Variants in LCT observed in about 807,000 individuals in gnomAD.
LCT encodes the protein lactase/phlorizin hydrolase.
LCT carries 90 observed loss-of-function variants against 173.0 expected under a neutral mutation model. The observed-to-expected ratio is 0.52, with a 90% confidence interval of 0.44 to 0.62. LCT has a LOEUF of 0.62. Among genes scored for constraint, LCT ranks in the 20% least tolerant of loss-of-function variants. The probability of loss-of-function intolerance (pLI) is 0.00; values close to 1 mark genes in which losing one functional copy is unlikely to be tolerated. For synonymous variants in LCT, 853 were observed against 957.6 expected, an observed-to-expected ratio of 0.89 and a Z score of 2.02; for missense variants, 1,864 against 2,431.4, an observed-to-expected ratio of 0.77 and a Z score of 4.91.
chr2:135,803,713 A>C (rs994627199), intron 11 of LCT, among the ~76,000 whole-genome samples: 16 of 152,258 alleles, frequency 1.1e-4, no homozygotes, highest in Admixed American at 1.0e-3. Flanking sequence ...TCAGAGTCAC[A>C]GAGCAAAGAA....
In LCT at chr2:135,809,122, G is replaced by T. The variant is rs2077709444; in HGVS notation, c.3225C>A (p.Gly1075=). The T allele has an allele frequency of 6.8e-6, 11 of 1,614,150 alleles. No homozygotes were observed. The highest frequency in any genetic ancestry group is 9.3e-6 in the Non-Finnish European group (11 of 1,180,034). ...EPMYLAWLGY[G]SGEFPPGVKD... is the part of the protein sequence containing the mutation. ...TCACCCCTGGGGGAAATTCCCCTGA[G>T]CCATAACCTAGCCATGCCAGGTACA... The change falls in exon 8 of 17, where the codon GGC becomes GGA. Residue 1075 remains glycine (G), a synonymous_variant. Coordinates refer to ENST00000264162, the MANE Select transcript of LCT (RefSeq NM_002299.4). The surrounding 1 kb of genome is among the most constrained non-coding windows in gnomAD (Gnocchi z 5.5).
chr2:135,835,997 T>C lies in LCT; in HGVS notation c.640+533A>G, dbSNP rs1287975634. 4.9e-5 allele frequency among the ~76,000 whole-genome samples: 3 copies of C among 61,046 alleles called. No homozygotes were observed. The South Asian group carries it at 1.7e-3, about 34-fold the overall frequency. 40.0% of individuals were successfully genotyped at this position (61,046 alleles called of 152,430 possible). A position where few individuals can be genotyped will look rare whatever the true frequency, so the allele number is the denominator to read the frequency against. On this transcript the variant is annotated intron_variant, in intron 1 of 16. Transcript: ENST00000264162. ...GTGTGTATATATATATATATATATA[T>C]ATATATATATATATATATGTATACA...
intron 2 of LCT, among the ~76,000 whole-genome samples, chr2:135,830,175 C>CA (rs1342229883): frequency 6.6e-6 from 1 of 152,148 alleles, no homozygotes; most frequent in Non-Finnish European, 1.5e-5. Context: ...AGTCCACCCC[C>CA]AGTTATCCCT....
intron 6 of LCT, 61 bp from the exon 7 acceptor site, chr2:135,813,017 A>T (rs763197520): frequency 6.5e-5 from 93 of 1,439,178 alleles, no homozygotes; most frequent in Non-Finnish European, 8.4e-5. Flanking sequence ...CAACAACAGG[A>T]CTAATGAACC....
At chr2:135,817,013 C>T (rs992401185) in intron 6 of LCT, among the ~76,000 whole-genome samples, 4 of 151,722 alleles carry the variant, frequency 2.6e-5, no homozygotes, top group African/African-American at 4.8e-5. Flanking sequence ...GGATCACAGG[C>T]GTGCAACACT....
At chr2:135,788,692 G>A in intron 16 of LCT, 148 bp from the exon 17 acceptor site, 2 of 697,770 alleles carry the variant, frequency 2.9e-6, no homozygotes, top group East Asian at 2.7e-5. Flanking sequence ...CCCTTTCACT[G>A]TGTGTCAGGA....
At chr2:135,836,311 G>T (rs567611373) in intron 1 of LCT, among the ~76,000 whole-genome samples, 118 of 152,188 alleles carry the variant, frequency 7.8e-4, no homozygotes, top group African/African-American at 2.8e-3. Flanking sequence ...GAGCCTCAAA[G>T]ATATTTTTCA....
chr2:135,826,562 C>T (rs1044566706), intron 3 of LCT, among the ~76,000 whole-genome samples: 22 of 151,836 alleles, frequency 1.4e-4, no homozygotes, highest in African/African-American at 5.3e-4. Flanking sequence ...AGCGAGACTC[C>T]ATCTTAAAAA....
intron 1 of LCT, 69 bp from the exon 2 acceptor site, chr2:135,833,259 G>T: frequency 9.4e-7 from 1 of 1,069,256 alleles, no homozygotes; most frequent in South Asian, 1.3e-5. Flanking sequence ...GAAACCACTG[G>T]GGGATTCATT....
At chr2:135,803,858 T>C in intron 11 of LCT, 72 bp downstream of exon 11, 6 of 1,408,542 alleles carry the variant, frequency 4.3e-6, no homozygotes, top group Non-Finnish European at 6.0e-6. Flanking sequence ...TCCTGTGCCA[T>C]CTGGATTTCA....
intron 3 of LCT, among the ~76,000 whole-genome samples, chr2:135,829,351 C>A (rs1245442743): frequency 2.6e-5 from 4 of 152,072 alleles, no homozygotes; most frequent in African/African-American, 9.7e-5. Context: ...CACAAGCAAG[C>A]AGAGGATCTA....
intron 5 of LCT, chr2:135,820,774 T>G (rs1011701424): frequency 9.2e-5 from 14 of 152,174 alleles, no homozygotes; most frequent in African/African-American, 3.4e-4. Flanking sequence ...TCTGGGCAAT[T>G]CCCAGTGCTG....
chr2:135,814,216 C>A (rs1044905270), intron 6 of LCT, among the ~76,000 whole-genome samples: 1 of 152,188 alleles, frequency 6.6e-6, no homozygotes, highest in African/African-American at 2.4e-5. Flanking sequence ...ATCACTAAAA[C>A]GCCTGGCTGC....
rs1471475620 is a variant in LCT at position 135,809,228 on chromosome 2, T to A, written c.3119A>T (p.Asp1040Val). 1.2e-6 allele frequency: 2 copies of A among 1,614,138 alleles called. No homozygotes were observed. Among genetic ancestry groups the A allele is most frequent in the East Asian group, 2.2e-5 (1 of 44,874 alleles). The change falls in exon 8 of 17, where the codon GAC (aspartate) becomes GTC (valine). Residue 1040 changes from aspartate (D) to valine (V), a missense_variant. By Grantham distance (152) the Asp-to-Val change is radical (BLOSUM62 -3). This residue lies in a region of LCT where 755 missense variants were observed against 926.3 expected (regional missense o/e 0.82). Transcript: ENST00000264162. The surrounding 1 kb of genome is among the most constrained non-coding windows in gnomAD (Gnocchi z 5.5). ...IGGWENPALI[D>V]LFDSYADFCF... ...AAAGTCTGCGTAGCTGTCAAACAAG[T>A]CAATCAAGGCAGGATTCTCCCAGCC...
chr2:135,808,515 GC>G lies in LCT; in HGVS notation c.3831del (p.Leu1278Ter). 6.2e-7 allele frequency: 1 copy of G among 1,614,218 alleles called. No homozygotes were observed. Among genetic ancestry groups the G allele is most frequent in the Non-Finnish European group, 8.5e-7 (1 of 1,180,032 alleles). On this transcript the variant is annotated frameshift_variant, in exon 8 of 17. Transcript: ENST00000264162. LOFTEE classifies it high-confidence loss of function. ...IPIYITENGV[G>X]LTNPNTEDTD... Reference sequence around the variant, plus strand: ...GTATCCTCCGTGTTCGGATTGGTCAGCCCCACTCCGTTTTCGGTGATGTAAA... The same window carrying G: ...GTATCCTCCGTGTTCGGATTGGTCAGCCCACTCCGTTTTCGGTGATGTAAA...
rs1575341229 is a variant in LCT, at chr2:135,812,897, A to T, written c.1767T>A (p.His589Gln). 6.2e-7 allele frequency: 1 copy of T among 1,614,216 alleles called. No homozygotes were observed. The change falls in exon 7 of 17, where the codon CAT (histidine) becomes CAA (glutamine). Residue 589 changes from histidine (H) to glutamine (Q), a missense_variant. Physicochemically the swap from His to Gln is conservative, Grantham distance 24. Around this residue, in one of 4 missense-constraint regions of LCT, gnomAD observed 183 missense variants for 293.1 expected, o/e 0.62. Transcript: ENST00000264162. The stretch of plus-strand genomic sequence containing the variant: ...CCACGTGCCCCTGCTGCTGTGGGCG[A>T]TGATGGCTGTTGTAGTGGTGCCAAG... Reference protein sequence around the residue: ...ARTWHHYNSHHRPQQQGHVGI... With the variant: ...ARTWHHYNSHQRPQQQGHVGI...
chr2:135,813,077 A>C, intron 6 of LCT, 121 bp from the exon 7 acceptor site: 1 of 871,378 alleles, frequency 1.1e-6, no homozygotes, highest in Non-Finnish European at 1.9e-6. Context: ...CAACAACAAC[A>C]TTGACATTGT....
intron 9 of LCT, among the ~76,000 whole-genome samples, chr2:135,806,873 C>A (rs1467928653): frequency 6.6e-6 from 1 of 152,188 alleles, no homozygotes; most frequent in African/African-American, 2.4e-5. Flanking sequence ...GTACTTCTGC[C>A]CAGGCTCCCC....
chr2:135,804,648 CAAT>C (rs1213043201), intron 10 of LCT, 116 bp downstream of exon 10: 9 of 1,025,628 alleles, frequency 8.8e-6, no homozygotes, highest in Non-Finnish European at 1.3e-5. Context: ...TCAAAAACAA[CAAT>C]AACAACAAAA....
Sources: gnomAD v4.1 joint callset for allele counts (sites outside exome capture counted in the v4.1 genomes callset) on GRCh38, gnomAD v4.1.1 for gene constraint, gnomAD v4.1.1 regional missense constraint, Gnocchi (gnomAD v3.1) non-coding constraint, MANE v1.5 for transcripts, NCBI Gene and HGNC (gene_info 2026-07-23, HGNC 2026-07-21) for gene names.